Variants in FOXP2 observed in about 807,000 individuals in gnomAD.
FOXP2 encodes the protein forkhead box protein P2.
FOXP2 carries 12 observed loss-of-function variants against 115.8 expected under a neutral mutation model. The ratio of observed to expected loss-of-function variants is 0.10; its 90% CI spans 0.07 to 0.17. The LOEUF is 0.17. FOXP2 is among the 10% of genes least tolerant of loss of function. The probability of loss-of-function intolerance (pLI) is 1.00; values close to 1 mark genes in which losing one functional copy is unlikely to be tolerated. For synonymous variants in FOXP2, 328 were observed against 297.7 expected (o/e 1.10, Z -1.05); for missense variants, 629 against 843.5 (o/e 0.75, Z 3.15).
At chr7:114,467,773 A>G (rs1795874987) in intron 2 of FOXP2, among the ~76,000 whole-genome samples, 3 of 152,180 alleles carry the variant, frequency 2.0e-5, no homozygotes, top group Admixed American at 2.0e-4. Flanking sequence ...TATTATTAAT[A>G]TTGTCATTTT....
intron 1 of FOXP2, among the ~76,000 whole-genome samples, chr7:114,176,523 T>G (rs1793316827): frequency 6.6e-6 from 1 of 151,690 alleles, no homozygotes. Context: ...TATTTTTTTG[T>G]AGAGTCGGGA....
intron 3 of FOXP2, among the ~76,000 whole-genome samples, chr7:114,575,870 C>A (rs1428369166): frequency 6.6e-6 from 1 of 151,706 alleles, no homozygotes; most frequent in Non-Finnish European, 1.5e-5. Flanking sequence ...AAACAATTAA[C>A]CAAGGATAAT....
chr7:114,265,299 G>C (rs904509441), intron 1 of FOXP2, among the ~76,000 whole-genome samples: 1 of 152,178 alleles, frequency 6.6e-6, no homozygotes, highest in African/African-American at 2.4e-5. Context: ...TCAGCCAAAA[G>C]AAAGGGGCTA....
At chr7:114,171,746 C>T (rs949758361) in intron 1 of FOXP2, among the ~76,000 whole-genome samples, 1 of 152,138 alleles carries the variant, frequency 6.6e-6, no homozygotes, top group Non-Finnish European at 1.5e-5. Context: ...TAAGGCTGTA[C>T]CTGCTATAGG....
chr7:114,086,597 G>T (rs1584470134), upstream of FOXP2: 1 of 408,008 alleles, frequency 2.5e-6, no homozygotes, highest in East Asian at 1.2e-4. Context: ...GCTGCCCACG[G>T]CGTCCCCGGT....
intron 1 of FOXP2, among the ~76,000 whole-genome samples, chr7:114,278,361 CTT>C (rs374043439): frequency 6.9e-6 from 1 of 145,570 alleles, no homozygotes. Flanking sequence ...TGTTGTTTTA[CTT>C]TTTTTTTTTT....
At chr7:114,566,008 T>C (rs533163916) in intron 3 of FOXP2, among the ~76,000 whole-genome samples, 1 of 152,260 alleles carries the variant, frequency 6.6e-6, no homozygotes, top group East Asian at 1.9e-4. Flanking sequence ...TGGAGAAGGA[T>C]GAAGTTGTAT....
At chr7:114,226,261 T>C (rs1014729278) in intron 1 of FOXP2, among the ~76,000 whole-genome samples, 3 of 152,212 alleles carry the variant, frequency 2.0e-5, no homozygotes, top group Admixed American at 2.0e-4. Context: ...TTGTGTAGCT[T>C]TTCCTTTGGT....
At chr7:114,618,144 A>G (rs1269518529) in intron 3 of FOXP2, among the ~76,000 whole-genome samples, 1 of 152,176 alleles carries the variant, frequency 6.6e-6, no homozygotes, top group East Asian at 1.9e-4. Context: ...CCCATGCCAC[A>G]CTGCAGTCTA....
rs1274047066 is a variant in FOXP2, at chr7:114,664,347, G to A, written c.1914G>A (p.Leu638=). The change falls in exon 16 of 17, where the codon CTG becomes CTA. Residue 638 remains leucine (L), a synonymous_variant. Coordinates refer to ENST00000350908, the MANE Select transcript of FOXP2 (RefSeq NM_014491.4). ...TAAATAATGCATCCAGTGGCCTACTGCAGGCCGTCCACGAAGACCTCAATG... is the reference window on the plus strand; with the variant it reads ...TAAATAATGCATCCAGTGGCCTACTACAGGCCGTCCACGAAGACCTCAATG... ...GLINNASSGL[L]QAVHEDLNGS... is the part of the protein sequence containing the mutation. 1 of 1,613,610 alleles carries A rather than the reference G, an allele frequency of 6.2e-7. No homozygotes were observed. Among genetic ancestry groups the A allele is most frequent in the East Asian group, 2.2e-5 (1 of 44,856 alleles).
At chr7:114,418,443 G>A (rs1205759726) in intron 1 of FOXP2, among the ~76,000 whole-genome samples, 1 of 151,768 alleles carries the variant, frequency 6.6e-6, no homozygotes, top group Admixed American at 6.6e-5. Context: ...TGTCTGCTTC[G>A]ATCATTAACT....
chr7:114,628,829 G>A, intron 4 of FOXP2, 152 bp downstream of exon 4: 1 of 884,888 alleles, frequency 1.1e-6, no homozygotes, highest in Non-Finnish European at 1.7e-6. Context: ...TTTAATTATA[G>A]AACTCGTAAG....
At chr7:114,493,643 C>A (rs752489521) in intron 2 of FOXP2, among the ~76,000 whole-genome samples, 57 of 152,012 alleles carry the variant, frequency 3.7e-4, no homozygotes, top group Non-Finnish European at 7.2e-4. Flanking sequence ...ATCTCACACG[C>A]ACCCACACAC....
intron 1 of FOXP2, among the ~76,000 whole-genome samples, chr7:114,093,381 T>C (rs1359491146): frequency 6.6e-6 from 1 of 152,188 alleles, no homozygotes; most frequent in East Asian, 1.9e-4. Flanking sequence ...TATTTTTCTT[T>C]ATGGTACTAT....
intron 1 of FOXP2, among the ~76,000 whole-genome samples, chr7:114,187,181 G>C (rs1716375112): frequency 6.6e-6 from 1 of 152,072 alleles, no homozygotes; most frequent in Non-Finnish European, 1.5e-5. Context: ...ACATGATCAG[G>C]CTAGGAATTT....
Position 114,629,763 on chromosome 7 carries a change from A to T in FOXP2, c.397-42A>T, listed in dbSNP as rs1443739714. 3 of 1,613,318 alleles carry T rather than the reference A, an allele frequency of 1.9e-6. No homozygotes were observed. In the South Asian group the frequency reaches 3.3e-5, roughly 18 times the overall value. ...AGTTTAGGAGATTTATAATACGTGA[A>T]ACTTTTGCCTTTATTTATTAAAGTC... On this transcript the variant is annotated intron_variant, in intron 4 of 16. Coordinates refer to ENST00000350908, the MANE Select transcript of FOXP2 (RefSeq NM_014491.4).
intron 1 of FOXP2, among the ~76,000 whole-genome samples, chr7:114,254,450 CTT>C (rs1795546182): frequency 6.6e-6 from 1 of 152,188 alleles, no homozygotes; most frequent in Non-Finnish European, 1.5e-5. Context: ...TAGATTTGGT[CTT>C]TTCACATAGT....
At chr7:114,627,313 A>C (rs1804644712) in intron 3 of FOXP2, among the ~76,000 whole-genome samples, 1 of 152,048 alleles carries the variant, frequency 6.6e-6, no homozygotes, top group Admixed American at 6.6e-5. Context: ...CATGTTGCCC[A>C]ATAAATTTGT....
intron 1 of FOXP2, among the ~76,000 whole-genome samples, chr7:114,119,350 T>G (rs1791497354): frequency 6.6e-6 from 1 of 152,146 alleles, no homozygotes; most frequent in African/African-American, 2.4e-5. Flanking sequence ...GGTTGTCTGA[T>G]CATGGTGTAT....
Sources: allele counts gnomAD v4.1 joint callset (sites outside exome capture counted in the v4.1 genomes callset), GRCh38; gene constraint gnomAD v4.1.1; transcripts MANE v1.5; gene names NCBI Gene and HGNC (gene_info 2026-07-23, HGNC 2026-07-21).